BBX: variants seen among roughly 807,000 people sequenced by gnomAD.
The protein encoded by BBX is HMG box transcription factor BBX.
BBX carries 30 observed loss-of-function variants against 100.2 expected under a neutral mutation model. The observed-to-expected ratio is 0.30, with a 90% CI of 0.22 to 0.41. The LOEUF (loss-of-function observed/expected upper bound fraction) is 0.41. BBX is among the 10% of genes least tolerant of loss of function. The probability of loss-of-function intolerance (pLI) is 1.00; values close to 1 mark genes in which losing one functional copy is unlikely to be tolerated. For synonymous variants in BBX, 376 were observed against 388.1 expected (o/e 0.97, Z 0.37); for missense variants, 1,023 against 1,129.8 (o/e 0.91, Z 1.35).
At chr3:107,698,163 C>G (rs576362195) in intron 3 of BBX, among the ~76,000 whole-genome samples, 1 of 151,920 alleles carries the variant, frequency 6.6e-6, no homozygotes, top group South Asian at 2.1e-4. Context: ...TCTTCTGGGT[C>G]GCTCACACTG....
At chr3:107,643,690 C>A (rs1214369839) in intron 2 of BBX, among the ~76,000 whole-genome samples, 2 of 152,160 alleles carry the variant, frequency 1.3e-5, no homozygotes, top group African/African-American at 4.8e-5. Flanking sequence ...GCCCACCTGC[C>A]TTTCTGATAC....
chr3:107,785,932 A>G (rs2068373848), intron 13 of BBX, among the ~76,000 whole-genome samples: 12 of 152,060 alleles, frequency 7.9e-5, no homozygotes, highest in Admixed American at 7.9e-4. Flanking sequence ...GAAAATCCTA[A>G]GGAATCCACC....
rs550136468 is a variant in BBX at position 107,526,671 on chromosome 3, A to G, written c.-84+273A>G. The G allele has an allele frequency of 1.4e-3, 355 of 249,678 alleles. 1 individual carries two copies. The highest frequency in any genetic ancestry group is 9.4e-3 in the Middle Eastern group (8 of 852). 15.5% of individuals were successfully genotyped at this position (249,678 alleles called of 1,614,324 possible). On this transcript the variant is annotated intron_variant, in intron 2 of 17. Transcript: ENST00000325805. Reference sequence around the variant, plus strand: ...TTCTCAAATAGACATTTTAATTTATAATGAAATTTTACATGGCATTGAAGG... The same window carrying G: ...TTCTCAAATAGACATTTTAATTTATGATGAAATTTTACATGGCATTGAAGG...
chr3:107,786,654 T>A (rs2107897740), intron 13 of BBX, among the ~76,000 whole-genome samples: 1 of 152,224 alleles, frequency 6.6e-6, no homozygotes, highest in East Asian at 1.9e-4. Context: ...TTAGAATAGA[T>A]CAAAAACTTA....
chr3:107,774,864 G>C lies in BBX; in HGVS notation c.2054+7G>C. Reference sequence around the variant, plus strand: ...AAGAAGACTGTCTCCTTGGGTAAGTGCCTGTGAGCACAGTCACCTGTACTC... The same window carrying C: ...AAGAAGACTGTCTCCTTGGGTAAGTCCCTGTGAGCACAGTCACCTGTACTC... On this transcript the variant is annotated splice_region_variant and intron_variant, in intron 12 of 17. Coordinates refer to ENST00000325805, the MANE Select transcript of BBX (RefSeq NM_001142568.3). 6.2e-7 allele frequency: 1 copy of C among 1,612,594 alleles called. No homozygotes were observed.
intron 4 of BBX, among the ~76,000 whole-genome samples, chr3:107,714,067 C>G (rs1042701575): frequency 1.3e-5 from 2 of 148,610 alleles, no homozygotes; most frequent in Non-Finnish European, 3.0e-5. Flanking sequence ...CCTCCTCCTC[C>G]CAGGTTCAGG....
intron 2 of BBX, among the ~76,000 whole-genome samples, chr3:107,630,148 C>G (rs1457655068): frequency 1.3e-5 from 2 of 152,136 alleles, no homozygotes; most frequent in African/African-American, 2.4e-5. Context: ...GGGAGCTTTT[C>G]CAGCTCTGGA....
intron 2 of BBX, among the ~76,000 whole-genome samples, chr3:107,589,449 G>T (rs889239814): frequency 1.3e-5 from 2 of 152,162 alleles, no homozygotes; most frequent in Non-Finnish European, 2.9e-5. Flanking sequence ...CTTGCTTCCA[G>T]ATTACCCTAT....
chr3:107,763,475 A>G (rs868762928), intron 10 of BBX, among the ~76,000 whole-genome samples: 6 of 152,202 alleles, frequency 3.9e-5, no homozygotes, highest in Admixed American at 3.9e-4. Context: ...TTTAAAATAC[A>G]TCTGATTCAG....
intron 3 of BBX, among the ~76,000 whole-genome samples, chr3:107,680,248 A>G (rs2059500997): frequency 6.6e-6 from 1 of 152,188 alleles, no homozygotes; most frequent in South Asian, 2.1e-4. Context: ...GAAGGATGGC[A>G]TAAATGAACA....
rs745927831 is a variant in BBX at position 107,620,397 on chromosome 3, T to C, written c.-83-25439T>C. Among the ~76,000 whole-genome samples the C allele has an allele frequency of 4.6e-5, 7 of 152,248 alleles. 1 individual carries two copies. The highest frequency in any genetic ancestry group is 1.3e-4 in the Admixed American group (2 of 15,282). ...TCTTTGTTTTGTTGTCTGTTGATTGTATTTCCTCATTCAAGTTGAGATGTT... is the reference window on the plus strand; with the variant it reads ...TCTTTGTTTTGTTGTCTGTTGATTGCATTTCCTCATTCAAGTTGAGATGTT... On this transcript the variant is annotated intron_variant, in intron 2 of 17. Transcript: ENST00000325805.
chr3:107,720,451 A>G lies in BBX; in HGVS notation c.405+3602A>G, dbSNP rs77273906. On this transcript the variant is annotated intron_variant, in intron 5 of 17. Transcript: ENST00000325805. ...TGGGTTTTTGTATAAGGATTCAGAG[A>G]GAAGGAAAAGGGTAAGAGTAGAAGT... 3.9e-3 allele frequency among the ~76,000 whole-genome samples: 598 copies of G among 152,072 alleles called. 5 individuals carry two copies. Among genetic ancestry groups the G allele is most frequent in the African/African-American group, 0.014 (575 of 41,528 alleles).
chr3:107,714,659 G>A (rs2061975980), intron 4 of BBX, among the ~76,000 whole-genome samples: 1 of 151,956 alleles, frequency 6.6e-6, no homozygotes, highest in Non-Finnish European at 1.5e-5. Context: ...AAATATGTAG[G>A]CTTCACCCCA....
rs538314691 is a variant in BBX, at chr3:107,541,026, T to G, written c.-84+14628T>G. Among the ~76,000 whole-genome samples the G allele has an allele frequency of 1.4e-3, 207 of 152,352 alleles. 1 individual carries two copies. The highest frequency in any genetic ancestry group is 3.4e-3 in the Middle Eastern group (1 of 294). On this transcript the variant is annotated intron_variant, in intron 2 of 17. Coordinates refer to ENST00000325805, the MANE Select transcript of BBX (RefSeq NM_001142568.3). ...AACATTTCCTCCCTGAGAAGCATCT[T>G]TCTCCTTTAGTGGCTGGCCACATGA...
At chr3:107,561,244 T>C (rs1437914857) in intron 2 of BBX, among the ~76,000 whole-genome samples, 2 of 152,198 alleles carry the variant, frequency 1.3e-5, no homozygotes, top group Non-Finnish European at 2.9e-5. Context: ...AACTGATTTT[T>C]TAAACACTGT....
intron 5 of BBX, among the ~76,000 whole-genome samples, chr3:107,728,288 G>A (rs2063097841): frequency 6.6e-6 from 1 of 152,156 alleles, no homozygotes; most frequent in Admixed American, 6.6e-5. Flanking sequence ...TATGAGTGAT[G>A]TGCTATGCAC....
intron 2 of BBX, among the ~76,000 whole-genome samples, chr3:107,552,298 C>T (rs983832478): frequency 8.1e-5 from 11 of 135,518 alleles, no homozygotes; most frequent in African/African-American, 3.0e-4. Context: ...GAGCCATGAT[C>T]ATGCCACACT....
intron 2 of BBX, among the ~76,000 whole-genome samples, chr3:107,638,230 T>C (rs2056967980): frequency 6.6e-6 from 1 of 151,758 alleles, no homozygotes; most frequent in Non-Finnish European, 1.5e-5. Flanking sequence ...TTTTAAATAT[T>C]TTGTACAGGC....
At chr3:107,799,292 A>G (rs2070145951) in intron 16 of BBX, among the ~76,000 whole-genome samples, 1 of 152,190 alleles carries the variant, frequency 6.6e-6, no homozygotes, top group Non-Finnish European at 1.5e-5. Context: ...TGCTTTAGAC[A>G]GAGATAACCA....
Sources: allele counts gnomAD v4.1 joint callset (sites outside exome capture counted in the v4.1 genomes callset), GRCh38; gene constraint gnomAD v4.1.1; transcripts MANE v1.5; gene names NCBI Gene and HGNC (gene_info 2026-07-23, HGNC 2026-07-21).